MYO5B: variants seen among roughly 807,000 people sequenced by gnomAD.
The protein encoded by MYO5B is myosin VB, also known as unconventional myosin-Vb.
In MYO5B, 143 loss-of-function variants were observed where a neutral mutation model predicts 229.3. The ratio of observed to expected loss-of-function variants is 0.62; its 90% confidence interval spans 0.54 to 0.72. The LOEUF is 0.72. Ranked by LOEUF, MYO5B falls within the 30% of genes least tolerant of loss-of-function variation. The probability of loss-of-function intolerance (pLI) is 0.00; values close to 1 mark genes in which losing one functional copy is unlikely to be tolerated. For synonymous variants in MYO5B, 918 were observed against 885.2 expected (o/e 1.04, Z -0.66); for missense variants, 2,321 against 2,331.0 (o/e 1.00, Z 0.09).
chr18:49,915,601 G>A (rs937516999), intron 17 of MYO5B, among the ~76,000 whole-genome samples: 13 of 152,354 alleles, frequency 8.5e-5, no homozygotes, highest in Admixed American at 2.0e-4. Flanking sequence ...TGGAAAGACT[G>A]TGAACCAAAC....
At chr18:49,957,018 T>C (rs2144251393) in intron 12 of MYO5B, among the ~76,000 whole-genome samples, 1 of 152,000 alleles carries the variant, frequency 6.6e-6, no homozygotes, top group Middle Eastern at 3.4e-3. Flanking sequence ...CTTGTGAACA[T>C]ACTAAAAACC....
chr18:50,115,557 C>G (rs1359840945), intron 1 of MYO5B, among the ~76,000 whole-genome samples: 42 of 149,934 alleles, frequency 2.8e-4, no homozygotes, highest in East Asian at 9.8e-4. Context: ...GACACACACA[C>G]ACACACACAC....
intron 12 of MYO5B, among the ~76,000 whole-genome samples, chr18:49,960,317 G>A (rs2025544481): frequency 6.6e-6 from 1 of 152,186 alleles, no homozygotes; most frequent in African/African-American, 2.4e-5. Context: ...CTGAGAGACA[G>A]GGAAGAAAGG....
intron 5 of MYO5B, among the ~76,000 whole-genome samples, chr18:49,998,167 T>C (rs1434579211): frequency 1.3e-5 from 2 of 152,176 alleles, no homozygotes; most frequent in African/African-American, 2.4e-5. Flanking sequence ...TCCATGTTCA[T>C]AGCCAAGACT....
intron 1 of MYO5B, among the ~76,000 whole-genome samples, chr18:50,185,315 GAA>G (rs2033133155): frequency 1.3e-5 from 2 of 151,604 alleles, no homozygotes; most frequent in South Asian, 4.2e-4. Context: ...GAGAGAGAGA[GAA>G]AGAACAATGA....
At chr18:49,906,201 G>A (rs545733755) in intron 19 of MYO5B, among the ~76,000 whole-genome samples, 1 of 152,270 alleles carries the variant, frequency 6.6e-6, no homozygotes, top group African/African-American at 2.4e-5. Context: ...GGAGCCTGGG[G>A]AAACCAGGAG....
intron 1 of MYO5B, among the ~76,000 whole-genome samples, chr18:50,121,061 A>C (rs1014541318): frequency 6.6e-6 from 1 of 152,128 alleles, no homozygotes; most frequent in African/African-American, 2.4e-5. Context: ...CCCCACTCCC[A>C]TATCTGAGAT....
At chr18:50,008,394 C>T (rs1416925259) in intron 4 of MYO5B, among the ~76,000 whole-genome samples, 2 of 152,182 alleles carry the variant, frequency 1.3e-5, no homozygotes, top group African/African-American at 4.8e-5. Flanking sequence ...AAGAGGAAGT[C>T]CTCAGCAAGG....
intron 1 of MYO5B, among the ~76,000 whole-genome samples, chr18:50,084,542 C>T (rs1183787107): frequency 6.6e-6 from 1 of 152,132 alleles, no homozygotes; most frequent in African/African-American, 2.4e-5. Context: ...GGCCAAATCT[C>T]GACATTTGCT....
At chr18:49,943,263 GT>G (rs1202878314) in intron 14 of MYO5B, among the ~76,000 whole-genome samples, 7 of 151,554 alleles carry the variant, frequency 4.6e-5, no homozygotes, top group African/African-American at 1.7e-4. Flanking sequence ...TATACCTAAT[GT>G]TAAATGACGA....
intron 5 of MYO5B, among the ~76,000 whole-genome samples, chr18:49,993,173 C>T (rs1181763054): frequency 6.6e-6 from 1 of 152,044 alleles, no homozygotes; most frequent in East Asian, 1.9e-4. Context: ...GTAAAGAATA[C>T]ATTAATATTT....
chr18:49,840,943 T>C (rs1441850579), intron 35 of MYO5B, among the ~76,000 whole-genome samples: 1 of 152,208 alleles, frequency 6.6e-6, no homozygotes, highest in Non-Finnish European at 1.5e-5. Context: ...CATCTTTGTC[T>C]ATCTTGAAAT....
At position 50,055,269 on chromosome 18, in the gene MYO5B, G is replaced by T. The variant is rs756670641; in HGVS notation, c.137C>A (p.Thr46Lys). 12 of 996,412 alleles carry T rather than the reference G, an allele frequency of 1.2e-5. No homozygotes were observed. Among genetic ancestry groups the T allele is most frequent in the Admixed American group, 2.4e-5 (1 of 42,292 alleles). 61.7% of individuals were successfully genotyped at this position (996,412 alleles called of 1,614,324 possible). ...KSLQLRLEDE[T>K]ILEYPIDVQR... The stretch of plus-strand genomic sequence containing the variant: ...CCCCTGCCCCGGACTCACTCTTACC[G>T]TTTCATCCTCCAGTCTGAGCTGTAG... The change falls in exon 2 of 40, where the codon ACG (threonine) becomes AAG (lysine). Residue 46 changes from threonine (T) to lysine (K), a missense_variant and splice_region_variant. Thr to Lys is a moderately conservative substitution (Grantham distance 78). Transcript: ENST00000285039.
At chr18:50,172,110 A>C (rs1368421289) in intron 1 of MYO5B, among the ~76,000 whole-genome samples, 1 of 152,012 alleles carries the variant, frequency 6.6e-6, no homozygotes, top group Admixed American at 6.6e-5. Flanking sequence ...GCAAGACCCC[A>C]TCTCTACAAA....
rs11426659 is a variant in MYO5B at position 50,136,364 on chromosome 18, CT to C, written c.27+58402del. ...ATATTTGTTTTTTGTTTTTTTTTTACTTTTTTTTTTTTTTTTGCATCCATGC... is the reference window on the plus strand; with the variant it reads ...ATATTTGTTTTTTGTTTTTTTTTTACTTTTTTTTTTTTTTTGCATCCATGC... On this transcript the variant is annotated intron_variant, in intron 1 of 39. Coordinates refer to ENST00000285039, the MANE Select transcript of MYO5B (RefSeq NM_001080467.3). 7.7e-3 allele frequency among the ~76,000 whole-genome samples: 1,020 copies of C among 131,726 alleles called. 11 individuals carry two copies. The highest frequency in any genetic ancestry group is 0.02 in the African/African-American group (693 of 34,736). The allele number at this position is 131,726 out of a possible 152,430, so 86.4% of individuals were successfully genotyped here. A position where few individuals can be genotyped will look rare whatever the true frequency, so the allele number is the denominator to read the frequency against.
intron 5 of MYO5B, among the ~76,000 whole-genome samples, chr18:49,995,253 T>C (rs1163198598): frequency 9.4e-6 from 1 of 106,700 alleles, no homozygotes; most frequent in East Asian, 3.1e-4. Context: ...TCCTCACTTA[T>C]ATCCTTTTTT....
rs184625224 is a variant in MYO5B at position 50,168,891 on chromosome 18, T to G, written c.27+25876A>C. Among the ~76,000 whole-genome samples the G allele has an allele frequency of 5.8e-4, 74 of 127,978 alleles. 18 individuals carry two copies. The highest frequency in any genetic ancestry group is 1.8e-3 in the African/African-American group (61 of 33,896). 84.0% of individuals were successfully genotyped at this position (127,978 alleles called of 152,430 possible). On this transcript the variant is annotated intron_variant, in intron 1 of 39. Coordinates refer to ENST00000285039, the MANE Select transcript of MYO5B (RefSeq NM_001080467.3). ...CATTATCAGCATCCCAGAAGCCCCA[T>G]GCCTGTGCCCACTTCTAGCCAGAAA...
chr18:49,857,607 G>A (rs2024277825), intron 29 of MYO5B, among the ~76,000 whole-genome samples: 1 of 152,212 alleles, frequency 6.6e-6, no homozygotes, highest in African/African-American at 2.4e-5. Context: ...ACTGAATGAT[G>A]TCTCCCCTTG....
At chr18:50,045,185 G>A (rs1422950735) in intron 2 of MYO5B, among the ~76,000 whole-genome samples, 1 of 152,100 alleles carries the variant, frequency 6.6e-6, no homozygotes, top group Non-Finnish European at 1.5e-5. Flanking sequence ...GGAATATTTA[G>A]GGACTCAAGA....
Sources: gnomAD v4.1 joint callset for allele counts (sites outside exome capture counted in the v4.1 genomes callset) on GRCh38, gnomAD v4.1.1 for gene constraint, MANE v1.5 for transcripts, NCBI Gene and HGNC (gene_info 2026-07-23, HGNC 2026-07-21) for gene names.